The following PCDHGA2 variants were observed in gnomAD, a reference collection of about 807,000 sequenced individuals.
The protein encoded by PCDHGA2 is protocadherin gamma-A2.
In PCDHGA2, 40 loss-of-function variants were observed where a neutral mutation model predicts 59.2. The ratio of observed to expected loss-of-function variants is 0.68; its 90% CI spans 0.52 to 0.88. The LOEUF is 0.88. Ranked by LOEUF, PCDHGA2 falls within the 40% of genes least tolerant of loss-of-function variation. The probability of loss-of-function intolerance (pLI) is 0.00; values close to 1 mark genes in which losing one functional copy is unlikely to be tolerated. For missense variants in PCDHGA2, 1,226 were observed against 1,204.0 expected (o/e 1.02, Z -0.27); for synonymous variants, 560 against 526.0 (o/e 1.06, Z -0.89).
At chr5:141,478,050 C>T (rs2099429383) in intron 1 of PCDHGA2, 1 of 1,614,066 alleles carries the variant, frequency 6.2e-7, no homozygotes, top group Non-Finnish European at 8.5e-7. Flanking sequence ...CAGACTCTCA[C>T]GGTCTTGATC....
At chr5:141,418,130 G>A in intron 1 of PCDHGA2, 3 of 1,614,106 alleles carry the variant, frequency 1.9e-6, no homozygotes, top group Non-Finnish European at 2.5e-6. Flanking sequence ...GGACCGAATA[G>A]ACCGTGAGCA....
chr5:141,505,450 G>T lies in PCDHGA2; in HGVS notation c.2541G>T (p.Met847Ile). Residue 847 changes from methionine (M) to isoleucine (I), a missense_variant, in exon 3 of 4, where the codon ATG becomes ATT. By Grantham distance (10) the Met-to-Ile change is conservative (BLOSUM62 1). Coordinates refer to ENST00000394576, the MANE Select transcript of PCDHGA2 (RefSeq NM_018915.4). ...TWPNNQFDTE[M>I]LQAMILASAS... ...CCAACAACCAGTTTGACACAGAGAT[G>T]CTGCAAGCCATGATCTTGGCGTCCG... 6.2e-7 allele frequency: 1 copy of T among 1,614,194 alleles called. No homozygotes were observed. The highest frequency in any genetic ancestry group is 8.5e-7 in the Non-Finnish European group (1 of 1,180,012).
chr5:141,492,064 C>T (rs1562152072), intron 1 of PCDHGA2: 3 of 484,366 alleles, frequency 6.2e-6, no homozygotes, highest in Non-Finnish European at 1.1e-5. Context: ...AGCCAGCCTC[C>T]TAGGCGCCGG....
At chr5:141,441,782 G>T in intron 1 of PCDHGA2, 1 of 391,086 alleles carries the variant, frequency 2.6e-6, no homozygotes, top group East Asian at 8.8e-5. Context: ...TGGACGACCT[G>T]AATGACAACG....
Position 141,349,219 on chromosome 5 carries a change from G to A in PCDHGA2, c.2424+7824G>A, listed in dbSNP as rs192397680. Among the ~76,000 whole-genome samples, 605 of 141,486 alleles carry A rather than the reference G, an allele frequency of 4.3e-3. 3 individuals are homozygous for A. The highest frequency in any genetic ancestry group is 0.015 in the Admixed American group (211 of 14,046). The allele number at this position is 141,486 out of a possible 152,430, so 92.8% of individuals were successfully genotyped here. On this transcript the variant is annotated intron_variant, in intron 1 of 3. Coordinates refer to ENST00000394576, the MANE Select transcript of PCDHGA2 (RefSeq NM_018915.4). ...CGAGTAGCTGGCGTTACAGGTACCC[G>A]CCACCATGCCTGGATAATTTTTATT...
At chr5:141,501,290 TACACACACACACACACAC>T (rs55762287) in intron 2 of PCDHGA2, among the ~76,000 whole-genome samples, 6 of 136,162 alleles carry the variant, frequency 4.4e-5, no homozygotes, top group South Asian at 2.4e-4. Flanking sequence ...TATTCCCTTA[TACACACACACACACACAC>T]ACACACACAC....
intron 1 of PCDHGA2, chr5:141,415,740 G>GTTTTGTTTTT (rs2095911163): frequency 1.9e-6 from 1 of 515,998 alleles, no homozygotes; most frequent in African/African-American, 2.8e-5. Context: ...GTTTATTAAG[G>GTTTTGTTTTT]TTTTTTTTTT....
At chr5:141,371,260 G>C in intron 1 of PCDHGA2, 1 of 1,614,034 alleles carries the variant, frequency 6.2e-7, no homozygotes, top group Non-Finnish European at 8.5e-7. Flanking sequence ...AAGGAAGTGA[G>C]ACAACTGTTC....
At chr5:141,385,474 T>G (rs554098554) in intron 1 of PCDHGA2, 33 of 1,436,526 alleles carry the variant, frequency 2.3e-5, no homozygotes, top group Non-Finnish European at 2.7e-5. Context: ...GGTGACACTT[T>G]AATATAGAAC....
intron 1 of PCDHGA2, chr5:141,419,581 C>T: frequency 6.2e-7 from 1 of 1,611,888 alleles, no homozygotes; most frequent in South Asian, 1.1e-5. Context: ...GCTCCGCGCT[C>T]TTCGACACAG....
chr5:141,458,512 T>TG (rs2098947554), intron 1 of PCDHGA2, among the ~76,000 whole-genome samples: 2 of 150,084 alleles, frequency 1.3e-5, no homozygotes, highest in African/African-American at 5.0e-5. Context: ...TTTGACACTT[T>TG]GTTTTTTTTT....
At chr5:141,452,201 T>G (rs552947721) in intron 1 of PCDHGA2, among the ~76,000 whole-genome samples, 131 of 152,376 alleles carry the variant, frequency 8.6e-4, no homozygotes, top group Middle Eastern at 6.8e-3. Context: ...TTGTTTTAGA[T>G]GTTACCAATA....
intron 1 of PCDHGA2, chr5:141,419,448 TC>T: frequency 6.2e-7 from 1 of 1,612,980 alleles, no homozygotes; most frequent in Non-Finnish European, 8.5e-7. Context: ...ACCTTCGAGC[TC>T]ACGCTGCAGG....
At chr5:141,438,334 A>G (rs756299924) in intron 1 of PCDHGA2, among the ~76,000 whole-genome samples, 6 of 151,946 alleles carry the variant, frequency 3.9e-5, no homozygotes, top group Non-Finnish European at 7.4e-5. Context: ...TATACATGTC[A>G]TATAAGGATC....
At chr5:141,505,015 A>G (rs965107997) in intron 2 of PCDHGA2, among the ~76,000 whole-genome samples, 1 of 152,160 alleles carries the variant, frequency 6.6e-6, no homozygotes, top group Admixed American at 6.5e-5. Flanking sequence ...TACAAAAATT[A>G]GCCTGGCACA....
rs1756881220 is a variant in PCDHGA2 at position 141,339,823 on chromosome 5, C to A, written c.852C>A (p.Ser284Arg). 1 of 1,614,144 alleles carries A rather than the reference C, an allele frequency of 6.2e-7. No individual in the cohort carries two copies. ...YAQVVYFLEK[S>R]PGETSEVFEL... The stretch of plus-strand genomic sequence containing the variant: ...AAGTGGTATATTTTCTAGAGAAAAG[C>A]CCTGGAGAAACCTCAGAGGTATTTG... Residue 284 changes from serine (S) to arginine (R), a missense_variant, in exon 1 of 4, where the codon AGC becomes AGA. Ser to Arg is a moderately radical substitution (Grantham distance 110). Coordinates refer to ENST00000394576, the MANE Select transcript of PCDHGA2 (RefSeq NM_018915.4).
intron 1 of PCDHGA2, chr5:141,418,388 T>C: frequency 6.2e-7 from 1 of 1,613,942 alleles, no homozygotes; most frequent in Non-Finnish European, 8.5e-7. Flanking sequence ...TCCTAACGAG[T>C]ATTTCTCATT....
chr5:141,341,218 C>G lies in PCDHGA2; in HGVS notation c.2247C>G (p.Phe749Leu), dbSNP rs1021542966. 1 of 1,614,252 alleles carries G rather than the reference C, an allele frequency of 6.2e-7. No homozygotes were observed. The highest frequency in any genetic ancestry group is 8.5e-7 in the Non-Finnish European group (1 of 1,180,054). ...HFVGVDGVRA[F>L]LQTYSHEVSL... is the part of the protein sequence containing the mutation. Reference sequence around the variant, plus strand: ...TGGGCGTGGACGGGGTTCGGGCTTTCCTGCAGACCTATTCCCACGAGGTCT... The same window carrying G: ...TGGGCGTGGACGGGGTTCGGGCTTTGCTGCAGACCTATTCCCACGAGGTCT... The change falls in exon 1 of 4, where the codon TTC (phenylalanine) becomes TTG (leucine). Residue 749 changes from phenylalanine to leucine, a missense_variant. Phe to Leu is a conservative substitution (Grantham distance 22). Transcript: ENST00000394576.
chr5:141,485,358 G>T lies in PCDHGA2; in HGVS notation c.2425-9449G>T. 1.2e-6 allele frequency: 2 copies of T among 1,614,100 alleles called. No individual in the cohort carries two copies. Among genetic ancestry groups the T allele is most frequent in the Non-Finnish European group, 1.7e-6 (2 of 1,180,006 alleles). On this transcript the variant is annotated intron_variant, in intron 1 of 3. Coordinates refer to ENST00000394576, the MANE Select transcript of PCDHGA2 (RefSeq NM_018915.4). This position sits in a 1 kb window ranked among gnomAD's most constrained non-coding sequence, Gnocchi z 5.7. ...CTGGATACGGACAGTCTGTCAGCTC[G>T]CAGGCTGCAGGTCGCTGGAGAGGTG...
Sources: gnomAD v4.1 joint callset for allele counts (sites outside exome capture counted in the v4.1 genomes callset) on GRCh38, gnomAD v4.1.1 for gene constraint, Gnocchi (gnomAD v3.1) non-coding constraint, MANE v1.5 for transcripts, NCBI Gene and HGNC (gene_info 2026-07-23, HGNC 2026-07-21) for gene names.